The following ZNF644 variants were observed in gnomAD, a reference collection of about 807,000 sequenced individuals.
ZNF644 encodes the protein zinc finger protein 644, also known as zinc finger motif enhancer binding protein 2.
In ZNF644, 20 loss-of-function variants were observed where a neutral mutation model predicts 108.0. The observed-to-expected ratio is 0.19, with a 90% CI of 0.13 to 0.27. ZNF644 has a LOEUF of 0.27. Ranked by LOEUF, ZNF644 falls within the 10% of genes least tolerant of loss-of-function variation. The pLI, the probability that ZNF644 is intolerant of heterozygous loss-of-function variation, is 1.00. For missense variants in ZNF644, 1,338 were observed against 1,548.9 expected, an observed-to-expected ratio of 0.86 and a Z score of 2.29; for synonymous variants, 542 against 539.1, an observed-to-expected ratio of 1.01 and a Z score of -0.08.
chr1:90,971,706 C>G (rs911709637), intron 2 of ZNF644, among the ~76,000 whole-genome samples: 1 of 152,032 alleles, frequency 6.6e-6, no homozygotes, highest in African/African-American at 2.4e-5. Flanking sequence ...TGTGAGCCAC[C>G]ACGCCAGGGC....
chr1:91,017,447 C>T (rs1031971014), intron 1 of ZNF644, among the ~76,000 whole-genome samples: 2 of 152,180 alleles, frequency 1.3e-5, no homozygotes, highest in Non-Finnish European at 2.9e-5. Context: ...TTTCTCCCAA[C>T]CAAGAGAAGT....
At chr1:90,967,350 G>A (rs1655011042) in intron 2 of ZNF644, among the ~76,000 whole-genome samples, 1 of 152,134 alleles carries the variant, frequency 6.6e-6, no homozygotes, top group Non-Finnish European at 1.5e-5. Flanking sequence ...AACCCACTCT[G>A]TGTCAAGTTC....
chr1:91,000,476 T>C lies in ZNF644; in HGVS notation c.-17-18106A>G, dbSNP rs189889034. The stretch of plus-strand genomic sequence containing the variant: ...CGAAATGAAGGCAGAAATAAAGATG[T>C]TCTTTGAAACCAACGAGAATAAAGA... On this transcript the variant is annotated intron_variant, in intron 1 of 5. Transcript: ENST00000337393. Among the ~76,000 whole-genome samples, 436 of 152,254 alleles carry C rather than the reference T, an allele frequency of 2.9e-3. 4 individuals are homozygous for C. Among genetic ancestry groups the C allele is most frequent in the Admixed American group, 5.7e-3 (87 of 15,300 alleles).
intron 1 of ZNF644, among the ~76,000 whole-genome samples, chr1:91,005,613 T>C (rs1659342461): frequency 6.6e-6 from 1 of 151,888 alleles, no homozygotes; most frequent in South Asian, 2.1e-4. Flanking sequence ...AAACTAGAAA[T>C]CAATACCAGA....
At chr1:91,012,773 G>C (rs1660076395) in intron 1 of ZNF644, among the ~76,000 whole-genome samples, 1 of 151,946 alleles carries the variant, frequency 6.6e-6, no homozygotes, top group African/African-American at 2.4e-5. Flanking sequence ...GAGTTACCTA[G>C]GTATACTTAT....
chr1:90,990,765 A>G (rs1343191455), intron 1 of ZNF644, among the ~76,000 whole-genome samples: 1 of 152,248 alleles, frequency 6.6e-6, no homozygotes, highest in African/African-American at 2.4e-5. Flanking sequence ...CTTACACAGC[A>G]CCAGAAATAG....
intron 1 of ZNF644, among the ~76,000 whole-genome samples, chr1:90,996,854 T>C (rs1658193827): frequency 6.6e-6 from 1 of 152,150 alleles, no homozygotes; most frequent in African/African-American, 2.4e-5. Context: ...GCTCTTTTAG[T>C]ACCTCATTCC....
intron 2 of ZNF644, among the ~76,000 whole-genome samples, chr1:90,945,372 T>C (rs74099870): frequency 0.013 from 1,922 of 152,184 alleles, 39 homozygotes; most frequent in African/African-American, 0.044. Context: ...ATAAAATATA[T>C]TTCAATTTCT....
At chr1:90,966,832 AG>A (rs1654957170) in intron 2 of ZNF644, among the ~76,000 whole-genome samples, 1 of 151,568 alleles carries the variant, frequency 6.6e-6, no homozygotes, top group Non-Finnish European at 1.5e-5. Context: ...TTAAGGTAGC[AG>A]TAAGTAAGAG....
At chr1:91,018,022 C>CA (rs1212198802) in intron 1 of ZNF644, among the ~76,000 whole-genome samples, 3 of 151,564 alleles carry the variant, frequency 2.0e-5, no homozygotes, top group African/African-American at 4.8e-5. Context: ...GGCAGATCTG[C>CA]AAAAAAAATT....
chr1:90,936,723 C>G (rs1651357675), intron 4 of ZNF644, among the ~76,000 whole-genome samples: 1 of 152,036 alleles, frequency 6.6e-6, no homozygotes, highest in African/African-American at 2.4e-5. Context: ...AAGTATAAAC[C>G]ACACTTGGCA....
chr1:91,007,585 A>T (rs1446767483), intron 1 of ZNF644, among the ~76,000 whole-genome samples: 2 of 152,090 alleles, frequency 1.3e-5, no homozygotes, highest in African/African-American at 4.8e-5. Flanking sequence ...CTCCCACTTT[A>T]CAACTCTTTT....
intron 2 of ZNF644, among the ~76,000 whole-genome samples, chr1:90,963,034 AT>A (rs1481558197): frequency 1.3e-5 from 2 of 152,106 alleles, no homozygotes; most frequent in African/African-American, 4.8e-5. Context: ...GAATGTATAT[AT>A]TTTTTAAATG....
intron 2 of ZNF644, among the ~76,000 whole-genome samples, chr1:90,955,319 C>T (rs1241744815): frequency 6.6e-6 from 1 of 152,160 alleles, no homozygotes; most frequent in Non-Finnish European, 1.5e-5. Flanking sequence ...TTAAAAGTTA[C>T]CAGCTGCATT....
Position 90,939,463 on chromosome 1 carries a change from G to A in ZNF644, c.1891C>T (p.Leu631Phe), listed in dbSNP as rs1651719502. 6.2e-7 allele frequency: 1 copy of A among 1,613,722 alleles called. No homozygotes were observed. The highest frequency in any genetic ancestry group is 8.5e-7 in the Non-Finnish European group (1 of 1,179,888). The stretch of plus-strand genomic sequence containing the variant: ...CTATCACTATCTACAGGTTCTTCAA[G>A]GATGTCATTTTTTCTTTTATCAAGT... ...LGLDKRKNDI[L>F]EEPVDSDSTK... The change falls in exon 3 of 6, where the codon CTT becomes TTT. Residue 631 changes from leucine (L) to phenylalanine (F), a missense_variant. Leu to Phe is a conservative substitution (Grantham distance 22, BLOSUM62 0). Coordinates refer to ENST00000337393, the MANE Select transcript of ZNF644 (RefSeq NM_201269.3).
intron 2 of ZNF644, among the ~76,000 whole-genome samples, chr1:90,965,169 C>G (rs1266141633): frequency 3.3e-5 from 5 of 152,138 alleles, no homozygotes; most frequent in African/African-American, 4.8e-5. Context: ...TAACAAAGTC[C>G]TGCAAGTGGT....
At chr1:90,943,830 G>T (rs755615989) in intron 2 of ZNF644, among the ~76,000 whole-genome samples, 33 of 152,200 alleles carry the variant, frequency 2.2e-4, no homozygotes, top group Non-Finnish European at 4.0e-4. Context: ...GGAAAGAAAA[G>T]CAAGCCTTAA....
chr1:91,007,545 G>T (rs548043723), intron 1 of ZNF644, among the ~76,000 whole-genome samples: 2 of 152,118 alleles, frequency 1.3e-5, no homozygotes, highest in East Asian at 3.9e-4. Context: ...GAACGTGCAT[G>T]CAAGTGTGAT....
intron 2 of ZNF644, among the ~76,000 whole-genome samples, chr1:90,945,694 T>C (rs1158292815): frequency 6.6e-6 from 1 of 152,134 alleles, no homozygotes; most frequent in East Asian, 1.9e-4. Flanking sequence ...TCAGATTAGA[T>C]ACAACCTTTC....
Sources: allele counts gnomAD v4.1 joint callset (sites outside exome capture counted in the v4.1 genomes callset), GRCh38; gene constraint gnomAD v4.1.1; transcripts MANE v1.5; gene names NCBI Gene and HGNC (gene_info 2026-07-23, HGNC 2026-07-21).